Variants in FBXL7 observed in about 807,000 individuals in gnomAD.
The protein encoded by FBXL7 is F-box/LRR-repeat protein 7.
Under a neutral mutation model 38.3 loss-of-function variants are expected in FBXL7, and 12 were observed. The ratio of observed to expected loss-of-function variants is 0.31; its 90% confidence interval spans 0.20 to 0.51. FBXL7 has a LOEUF of 0.51. Ranked by LOEUF, FBXL7 falls within the 20% of genes least tolerant of loss-of-function variation. FBXL7 has a pLI of 0.98. For synonymous variants in FBXL7, 297 were observed against 300.9 expected, an observed-to-expected ratio of 0.99 and a Z score of 0.13; for missense variants, 567 against 676.4, an observed-to-expected ratio of 0.84 and a Z score of 1.79.
At chr5:15,880,660 GC>G (rs527438121) in intron 2 of FBXL7, among the ~76,000 whole-genome samples, 197 of 149,350 alleles carry the variant, frequency 1.3e-3, no homozygotes, top group African/African-American at 4.6e-3. Flanking sequence ...AAAAAACCTG[GC>G]CTTTTAATGC....
At chr5:15,581,803 T>C (rs1739150378) in intron 1 of FBXL7, among the ~76,000 whole-genome samples, 1 of 151,926 alleles carries the variant, frequency 6.6e-6, no homozygotes, top group Non-Finnish European at 1.5e-5. Flanking sequence ...ATTTGTGTGG[T>C]GGGGAATATG....
intron 2 of FBXL7, among the ~76,000 whole-genome samples, chr5:15,626,960 G>T (rs962901513): frequency 1.3e-5 from 2 of 152,004 alleles, no homozygotes; most frequent in Non-Finnish European, 2.9e-5. Flanking sequence ...TGTCAGTCAG[G>T]GGTCACCAAC....
chr5:15,614,600 A>T (rs1740381368), intron 1 of FBXL7, among the ~76,000 whole-genome samples: 1 of 152,200 alleles, frequency 6.6e-6, no homozygotes, highest in South Asian at 2.1e-4. Flanking sequence ...GAGTAAAAAC[A>T]TTACCACACA....
chr5:15,873,523 C>T (rs78559232), intron 2 of FBXL7, among the ~76,000 whole-genome samples: 10 of 151,846 alleles, frequency 6.6e-5, no homozygotes, highest in East Asian at 1.9e-4. Context: ...ACTAGCCAGA[C>T]TAATAAAGAA....
chr5:15,713,463 A>C (rs1159371136), intron 2 of FBXL7, among the ~76,000 whole-genome samples: 1 of 152,114 alleles, frequency 6.6e-6, no homozygotes, highest in Non-Finnish European at 1.5e-5. Flanking sequence ...AAATGTAGCT[A>C]TTACCTTTGT....
chr5:15,877,776 G>A (rs755657811), intron 2 of FBXL7, among the ~76,000 whole-genome samples: 6 of 151,956 alleles, frequency 3.9e-5, no homozygotes, highest in Non-Finnish European at 7.4e-5. Flanking sequence ...AAATTTTTGC[G>A]GGTCTGATCA....
intron 2 of FBXL7, among the ~76,000 whole-genome samples, chr5:15,803,654 A>G (rs995714199): frequency 3.3e-5 from 5 of 151,692 alleles, no homozygotes; most frequent in African/African-American, 1.2e-4. Context: ...CCCCCGATGT[A>G]AAAATTTATT....
rs142993120 is a variant in FBXL7 at position 15,616,221 on chromosome 5, TTTG to T, written c.127+165_127+167del. On this transcript the variant is annotated intron_variant, in intron 2 of 3. Coordinates refer to ENST00000504595, the MANE Select transcript of FBXL7 (RefSeq NM_012304.5). ...TGAGGATGTTCAGGGTCTCCTAAGTTTTGTTGTTGTTGTTGTTGCGCTGCAGTT... is the reference window on the plus strand; with the variant it reads ...TGAGGATGTTCAGGGTCTCCTAAGTTTTGTTGTTGTTGTTGCGCTGCAGTT... 1,822 of 563,104 alleles carry T rather than the reference TTTG, an allele frequency of 3.2e-3. 1 individual carries two copies. Among genetic ancestry groups the T allele is most frequent in the Non-Finnish European group, 3.7e-3 (1,190 of 319,572 alleles). The allele number at this position is 563,104 out of a possible 1,614,324, so 34.9% of individuals were successfully genotyped here. A position where few individuals can be genotyped will look rare whatever the true frequency, so the allele number is the denominator to read the frequency against.
chr5:15,685,327 T>C (rs1742984103), intron 2 of FBXL7, among the ~76,000 whole-genome samples: 2 of 152,096 alleles, frequency 1.3e-5, no homozygotes, highest in South Asian at 4.2e-4. Context: ...AGGATTTGTA[T>C]AGAGGGTGTA....
rs567107601 is a variant in FBXL7, at chr5:15,929,170, G to A, written c.739+669G>A. On this transcript the variant is annotated intron_variant, in intron 3 of 3. Coordinates refer to ENST00000504595, the MANE Select transcript of FBXL7 (RefSeq NM_012304.5). ...TGGGTGATAAAACACTCAGCTGTGGGCTGTGCTCATGATCACTTGCCATTT... is the reference window on the plus strand; with the variant it reads ...TGGGTGATAAAACACTCAGCTGTGGACTGTGCTCATGATCACTTGCCATTT... Among the ~76,000 whole-genome samples the A allele has an allele frequency of 2.2e-3, 329 of 152,266 alleles. 1 individual carries two copies. Among genetic ancestry groups the A allele is most frequent in the Non-Finnish European group, 3.7e-3 (252 of 67,994 alleles).
At chr5:15,804,600 C>T (rs569806427) in intron 2 of FBXL7, among the ~76,000 whole-genome samples, 29 of 152,288 alleles carry the variant, frequency 1.9e-4, no homozygotes, top group South Asian at 6.2e-4. Flanking sequence ...ACCCCTAGGC[C>T]GCAGACCAGT....
chr5:15,542,252 C>A (rs1011183854), intron 1 of FBXL7, among the ~76,000 whole-genome samples: 2 of 151,704 alleles, frequency 1.3e-5, no homozygotes, highest in Admixed American at 6.6e-5. Context: ...CATTTTTGTT[C>A]TTTATTTCCA....
rs142770937 is a variant in FBXL7, at chr5:15,918,208, C to T, written c.128-9682C>T. 2.7e-3 allele frequency among the ~76,000 whole-genome samples: 418 copies of T among 152,234 alleles called. 3 individuals carry two copies. Among genetic ancestry groups the T allele is most frequent in the African/African-American group, 9.5e-3 (393 of 41,544 alleles). ...GAGCTGAGATCATGCCACTGCACTCCAGCCTGGGTGACAGGGTGAGATTCC... is the reference window on the plus strand; with the variant it reads ...GAGCTGAGATCATGCCACTGCACTCTAGCCTGGGTGACAGGGTGAGATTCC... On this transcript the variant is annotated intron_variant, in intron 2 of 3. Coordinates refer to ENST00000504595, the MANE Select transcript of FBXL7 (RefSeq NM_012304.5).
chr5:15,927,597 C>T (rs1346814697), intron 2 of FBXL7, among the ~76,000 whole-genome samples: 1 of 151,816 alleles, frequency 6.6e-6, no homozygotes, highest in African/African-American at 2.4e-5. Context: ...CATGGTAAAA[C>T]CCCGTCTCTA....
intron 1 of FBXL7, among the ~76,000 whole-genome samples, chr5:15,601,586 A>G (rs1739794766): frequency 6.6e-6 from 1 of 152,132 alleles, no homozygotes; most frequent in Non-Finnish European, 1.5e-5. Flanking sequence ...CTGCTCTTTT[A>G]GACTTGAAAC....
chr5:15,541,775 C>T (rs1420484049), intron 1 of FBXL7, among the ~76,000 whole-genome samples: 1 of 151,644 alleles, frequency 6.6e-6, no homozygotes, highest in East Asian at 1.9e-4. Flanking sequence ...GAACTCCTGG[C>T]CTCAAGTGAT....
At chr5:15,623,645 T>C (rs1231009235) in intron 2 of FBXL7, among the ~76,000 whole-genome samples, 1 of 152,216 alleles carries the variant, frequency 6.6e-6, no homozygotes, top group African/African-American at 2.4e-5. Flanking sequence ...GAATATACTT[T>C]TCAAACAAAA....
At chr5:15,637,865 T>A (rs1035147595) in intron 2 of FBXL7, among the ~76,000 whole-genome samples, 2 of 152,164 alleles carry the variant, frequency 1.3e-5, no homozygotes, top group Non-Finnish European at 2.9e-5. Context: ...TTAAAAGAAT[T>A]TCTAGAACAA....
At chr5:15,711,027 A>T (rs1743847045) in intron 2 of FBXL7, among the ~76,000 whole-genome samples, 1 of 152,144 alleles carries the variant, frequency 6.6e-6, no homozygotes, top group Admixed American at 6.5e-5. Context: ...ACGAGATCTG[A>T]CGGTTCTAAA....
Sources: gnomAD v4.1 joint callset for allele counts (sites outside exome capture counted in the v4.1 genomes callset) on GRCh38, gnomAD v4.1.1 for gene constraint, MANE v1.5 for transcripts, NCBI Gene and HGNC (gene_info 2026-07-23, HGNC 2026-07-21) for gene names.